The following TENM4 variants were observed in gnomAD, a reference collection of about 807,000 sequenced individuals.
TENM4 encodes teneurin transmembrane protein 4.
Under a neutral mutation model 243.3 loss-of-function variants are expected in TENM4, and 82 were observed. That is an observed-to-expected ratio of 0.34 (90% CI 0.28 to 0.40). TENM4 has a LOEUF of 0.40. Among genes scored for constraint, TENM4 ranks in the 10% least tolerant of loss-of-function variants. The probability of loss-of-function intolerance (pLI) is 1.00; values close to 1 mark genes in which losing one functional copy is unlikely to be tolerated. For missense variants in TENM4, 3,138 were observed against 3,673.3 expected (o/e 0.85, Z 3.77); for synonymous variants, 1,412 against 1,456.3 (o/e 0.97, Z 0.69).
chr11:79,116,268 G>T (rs931844323), intron 4 of TENM4, among the ~76,000 whole-genome samples: 1 of 152,198 alleles, frequency 6.6e-6, no homozygotes, highest in Non-Finnish European at 1.5e-5. Flanking sequence ...CATTCATTAT[G>T]TAAAGTTATT....
At chr11:79,189,028 G>A (rs748600588) in intron 3 of TENM4, among the ~76,000 whole-genome samples, 16 of 152,180 alleles carry the variant, frequency 1.1e-4, no homozygotes, top group Non-Finnish European at 2.2e-4. Context: ...AGTTCCTTAG[G>A]TGGGATGCCT....
intron 1 of TENM4, among the ~76,000 whole-genome samples, chr11:79,376,349 GGGC>G (rs1488155211): frequency 6.6e-6 from 1 of 152,166 alleles, no homozygotes; most frequent in Non-Finnish European, 1.5e-5. Flanking sequence ...ATGAACGATT[GGGC>G]AACCTCAGCA....
intron 1 of TENM4, among the ~76,000 whole-genome samples, chr11:79,384,557 C>T (rs1858069811): frequency 6.6e-6 from 1 of 152,146 alleles, no homozygotes; most frequent in African/African-American, 2.4e-5. Flanking sequence ...CATGCACAAA[C>T]TACTTCTTCC....
chr11:79,252,803 G>A (rs1379798168), intron 2 of TENM4, among the ~76,000 whole-genome samples: 16 of 152,194 alleles, frequency 1.1e-4, no homozygotes, highest in African/African-American at 3.6e-4. Context: ...GACTCATGGA[G>A]CAGACCCGGA....
At chr11:79,251,313 T>C (rs1290409991) in intron 2 of TENM4, among the ~76,000 whole-genome samples, 1 of 152,248 alleles carries the variant, frequency 6.6e-6, no homozygotes, top group Non-Finnish European at 1.5e-5. Flanking sequence ...AGCTTCATTC[T>C]GCTCAGGGCT....
chr11:79,322,376 C>G (rs756320093), intron 1 of TENM4, among the ~76,000 whole-genome samples: 26 of 152,196 alleles, frequency 1.7e-4, no homozygotes, highest in Non-Finnish European at 3.2e-4. Flanking sequence ...GAAAATGATA[C>G]TCTGCATTTT....
At chr11:79,052,113 T>C (rs1365627038) in intron 6 of TENM4, among the ~76,000 whole-genome samples, 1 of 152,236 alleles carries the variant, frequency 6.6e-6, no homozygotes. Context: ...AACAGAGTGA[T>C]TTATATTCCT....
chr11:79,026,180 G>A (rs985882515), intron 6 of TENM4, among the ~76,000 whole-genome samples: 1 of 148,878 alleles, frequency 6.7e-6, no homozygotes, highest in African/African-American at 2.5e-5. Flanking sequence ...ATTTTGTTAT[G>A]TATAACATTC....
chr11:78,926,854 T>A (rs1488013322), intron 6 of TENM4, among the ~76,000 whole-genome samples: 2 of 152,172 alleles, frequency 1.3e-5, no homozygotes, highest in African/African-American at 4.8e-5. Context: ...CTGGAATCCA[T>A]CAGTGACATG....
At chr11:79,276,394 G>T (rs911191890) in intron 2 of TENM4, among the ~76,000 whole-genome samples, 1 of 152,218 alleles carries the variant, frequency 6.6e-6, no homozygotes, top group Non-Finnish European at 1.5e-5. Flanking sequence ...GGGCTAGCAG[G>T]GTCTCCAGGA....
chr11:78,846,860 A>G (rs763658686), intron 12 of TENM4, among the ~76,000 whole-genome samples: 7 of 152,148 alleles, frequency 4.6e-5, no homozygotes, highest in Non-Finnish European at 7.4e-5. Context: ...TGCCTACCCC[A>G]TATTCATTTC....
intron 1 of TENM4, among the ~76,000 whole-genome samples, chr11:79,302,035 C>A (rs878969448): frequency 9.2e-5 from 14 of 152,212 alleles, no homozygotes; most frequent in Admixed American, 2.0e-4. Context: ...GACTTGGTCT[C>A]TCCTGTCTAC....
intron 6 of TENM4, among the ~76,000 whole-genome samples, chr11:79,057,269 C>A (rs922889154): frequency 1.3e-5 from 2 of 152,110 alleles, no homozygotes; most frequent in African/African-American, 4.8e-5. Flanking sequence ...CCTGCACACA[C>A]CCCTACTCCC....
At chr11:78,706,249 C>T (rs10501431) in intron 27 of TENM4, among the ~76,000 whole-genome samples, 21,104 of 152,244 alleles carry the variant, frequency 0.14, 1,625 homozygotes, top group Admixed American at 0.18. Flanking sequence ...TAGAGTTATT[C>T]TCTGTCGGTG....
intron 9 of TENM4, among the ~76,000 whole-genome samples, chr11:78,874,731 G>A (rs1338538997): frequency 1.3e-5 from 2 of 152,172 alleles, no homozygotes; most frequent in African/African-American, 2.4e-5. Context: ...CCACACACAG[G>A]CTGAGACACA....
intron 6 of TENM4, among the ~76,000 whole-genome samples, chr11:78,913,371 G>A (rs552400967): frequency 9.2e-5 from 14 of 152,312 alleles, no homozygotes; most frequent in Admixed American, 2.0e-4. Flanking sequence ...TGCAGCCGGA[G>A]GGGTGGGATC....
intron 3 of TENM4, among the ~76,000 whole-genome samples, chr11:79,186,469 T>A (rs1340803185): frequency 6.6e-6 from 1 of 152,240 alleles, no homozygotes; most frequent in Non-Finnish European, 1.5e-5. Flanking sequence ...TATGTTATCC[T>A]CATTTTATAG....
chr11:79,335,962 A>G (rs1318233300), intron 1 of TENM4, among the ~76,000 whole-genome samples: 1 of 151,566 alleles, frequency 6.6e-6, no homozygotes, highest in Admixed American at 6.6e-5. Flanking sequence ...ACTTCCTCTA[A>G]GCAGCTCTCT....
Position 78,654,072 on chromosome 11 carries a change from G to A in TENM4, c.*3986C>T, listed in dbSNP as rs1280071526. On this transcript the variant is annotated 3_prime_UTR_variant, in exon 34 of 34. Coordinates refer to ENST00000278550, the MANE Select transcript of TENM4 (RefSeq NM_001098816.3). The stretch of plus-strand genomic sequence containing the variant: ...TTCCTCCAGTAAAATATAGACAAGT[G>A]TATAAACCTAGCTGGGAATGATGTG... 3 of 152,208 alleles carry A rather than the reference G, an allele frequency of 2.0e-5. No individual in the cohort carries two copies. Among genetic ancestry groups the A allele is most frequent in the Non-Finnish European group, 1.5e-5 (1 of 68,048 alleles). The allele number at this position is 152,208 out of a possible 1,614,324, so 9.4% of individuals were successfully genotyped here. A position where few individuals can be genotyped will look rare whatever the true frequency, so the allele number is the denominator to read the frequency against.
Sources: gnomAD v4.1 joint callset for allele counts (sites outside exome capture counted in the v4.1 genomes callset) on GRCh38, gnomAD v4.1.1 for gene constraint, MANE v1.5 for transcripts, NCBI Gene and HGNC (gene_info 2026-07-23, HGNC 2026-07-21) for gene names.